Variants in NEK7 observed in about 807,000 individuals in gnomAD.
NEK7 encodes NIMA related kinase 7, also known as serine/threonine-protein kinase Nek7.
In NEK7, 18 loss-of-function variants were observed where a neutral mutation model predicts 44.6. The observed-to-expected ratio is 0.40, with a 90% confidence interval of 0.28 to 0.60. The LOEUF (loss-of-function observed/expected upper bound fraction) is 0.60. Among genes scored for constraint, NEK7 ranks in the 20% least tolerant of loss-of-function variants. NEK7 has a pLI of 0.38. For synonymous variants in NEK7, 130 were observed against 121.1 expected, an observed-to-expected ratio of 1.07 and a Z score of -0.48; for missense variants, 256 against 366.5, an observed-to-expected ratio of 0.70 and a Z score of 2.46.
intron 9 of NEK7, among the ~76,000 whole-genome samples, chr1:198,310,099 G>T (rs891333508): frequency 6.6e-6 from 1 of 152,000 alleles, no homozygotes; most frequent in South Asian, 2.1e-4. Flanking sequence ...ATCCTCTCCA[G>T]CACCTGTTGT....
At chr1:198,309,421 GC>G (rs763033628) in intron 9 of NEK7, among the ~76,000 whole-genome samples, 5 of 152,028 alleles carry the variant, frequency 3.3e-5, no homozygotes, top group Non-Finnish European at 7.4e-5. Context: ...ATTATGCCAG[GC>G]CAAGGGCCTT....
At chr1:198,200,617 C>T (rs1158472023) in intron 1 of NEK7, among the ~76,000 whole-genome samples, 1 of 149,226 alleles carries the variant, frequency 6.7e-6, no homozygotes, top group Non-Finnish European at 1.5e-5. Context: ...GTGGCATGAT[C>T]TTGGCTAACT....
intron 1 of NEK7, among the ~76,000 whole-genome samples, chr1:198,211,501 T>C (rs894711954): frequency 1.3e-5 from 2 of 152,356 alleles, no homozygotes; most frequent in African/African-American, 4.8e-5. Context: ...ACACATGTGC[T>C]TACTTTTCAT....
At position 198,195,250 on chromosome 1, in the gene NEK7, A is replaced by G. The variant is rs191408970; in HGVS notation, c.-28-37303A>G. Among the ~76,000 whole-genome samples the G allele has an allele frequency of 2.4e-4, 36 of 151,270 alleles. No individual in the cohort carries two copies. In the East Asian group the frequency reaches 5.8e-3, roughly 24 times the overall value. On this transcript the variant is annotated intron_variant, in intron 1 of 9. Transcript: ENST00000367385. ...ACATGTAAGTACCTTTCAGTAGACT[A>G]AAAAAAAACAGGGAGTTGTCACCTT...
chr1:198,204,674 C>A lies in NEK7; in HGVS notation c.-28-27879C>A, dbSNP rs1166390350. Among the ~76,000 whole-genome samples the A allele has an allele frequency of 2.8e-5, 4 of 143,786 alleles. No homozygotes were observed. The South Asian group carries it at 8.7e-4, about 31-fold the overall frequency. 94.3% of individuals were successfully genotyped at this position (143,786 alleles called of 152,430 possible). The stretch of plus-strand genomic sequence containing the variant: ...GCGGAGCCTGCAGTGAGCCAGAGAT[C>A]GCGCAACTGCACTCCAGCCTGGGCG... On this transcript the variant is annotated intron_variant, in intron 1 of 9. Coordinates refer to ENST00000367385, the MANE Select transcript of NEK7 (RefSeq NM_133494.3).
rs542219306 is a variant in NEK7 at position 198,214,010 on chromosome 1, C to T, written c.-28-18543C>T. 6.6e-5 allele frequency among the ~76,000 whole-genome samples: 10 copies of T among 152,238 alleles called. No individual in the cohort carries two copies. In the South Asian group the frequency reaches 2.1e-3, roughly 32 times the overall value. On this transcript the variant is annotated intron_variant, in intron 1 of 9. Transcript: ENST00000367385. ...GGCCCCACAGGAGTCAGTGAATCTGCTCATATACCCGGCACATTGCTACTA... is the reference window on the plus strand; with the variant it reads ...GGCCCCACAGGAGTCAGTGAATCTGTTCATATACCCGGCACATTGCTACTA...
chr1:198,174,053 T>C (rs1403767753), intron 1 of NEK7, among the ~76,000 whole-genome samples: 8 of 152,192 alleles, frequency 5.3e-5, no homozygotes, highest in Non-Finnish European at 8.8e-5. Context: ...CAGGTCAGAA[T>C]TGAAATAATT....
At chr1:198,264,268 TTTTG>T (rs776043157) in intron 5 of NEK7, 33 bp downstream of exon 5, 1 of 1,477,566 alleles carries the variant, frequency 6.8e-7, no homozygotes, top group Admixed American at 1.9e-5. Flanking sequence ...TAATGTTTTG[TTTTG>T]TTTTTTTTTC....
At position 198,244,655 on chromosome 1, in the gene NEK7, G is replaced by A. The variant is rs1338885903; in HGVS notation, c.58-8385G>A. Among the ~76,000 whole-genome samples, 3 of 152,042 alleles carry A rather than the reference G, an allele frequency of 2.0e-5. No individual in the cohort carries two copies. In the East Asian group the frequency reaches 5.8e-4, roughly 29 times the overall value. On this transcript the variant is annotated intron_variant, in intron 2 of 9. Coordinates refer to ENST00000367385, the MANE Select transcript of NEK7 (RefSeq NM_133494.3). ...AAAAATGTTTGTTAATAAGAACCCA[G>A]AACAGTATACTGATTCTCTACTAGA... is the stretch of plus-strand genomic sequence containing the variant.
chr1:198,287,086 A>T (rs1050069367), intron 7 of NEK7, among the ~76,000 whole-genome samples: 4 of 152,210 alleles, frequency 2.6e-5, no homozygotes, highest in African/African-American at 4.8e-5. Context: ...CTGTAACGCC[A>T]TTTTAATAGA....
chr1:198,272,827 A>G (rs929872876), intron 5 of NEK7, among the ~76,000 whole-genome samples: 18 of 151,772 alleles, frequency 1.2e-4, no homozygotes, highest in South Asian at 8.3e-4. Flanking sequence ...TTAATATTCT[A>G]AATAAGTTGC....
intron 1 of NEK7, among the ~76,000 whole-genome samples, chr1:198,196,898 A>G (rs1326509863): frequency 6.6e-6 from 1 of 152,208 alleles, no homozygotes; most frequent in African/African-American, 2.4e-5. Flanking sequence ...AGTCTGCCAC[A>G]GTGACCATGA....
chr1:198,215,796 A>T (rs560201717), intron 1 of NEK7, among the ~76,000 whole-genome samples: 1 of 129,910 alleles, frequency 7.7e-6, no homozygotes, highest in Admixed American at 7.6e-5. Context: ...AAGCAGTAAC[A>T]GTAAAAAAAT....
intron 1 of NEK7, among the ~76,000 whole-genome samples, chr1:198,226,830 A>G (rs569070244): frequency 4.0e-5 from 6 of 151,296 alleles, no homozygotes; most frequent in South Asian, 2.1e-4. Flanking sequence ...GGAGATGGCC[A>G]TAAAGAAATT....
In NEK7 at chr1:198,282,838, G is replaced by A. The variant is rs574140813; in HGVS notation, c.589+3777G>A. Among the ~76,000 whole-genome samples, 188 of 152,198 alleles carry A rather than the reference G, an allele frequency of 1.2e-3. 1 individual carries two copies. The highest frequency in any genetic ancestry group is 3.7e-3 in the African/African-American group (155 of 41,526). On this transcript the variant is annotated intron_variant, in intron 7 of 9. Coordinates refer to ENST00000367385, the MANE Select transcript of NEK7 (RefSeq NM_133494.3). ...ATGCAGGTGCTATTCTAGAGACAAG[G>A]AATGTAGCCTGAGCAAGACAAGTCC...
chr1:198,245,419 G>A (rs1422044347), intron 2 of NEK7: 3 of 168,590 alleles, frequency 1.8e-5, no homozygotes, highest in African/African-American at 2.4e-5. Context: ...AGAAATAGAG[G>A]TAGAAGCCAG....
chr1:198,251,976 G>A (rs200321831), intron 2 of NEK7, among the ~76,000 whole-genome samples: 1 of 151,988 alleles, frequency 6.6e-6, no homozygotes, highest in East Asian at 1.9e-4. Flanking sequence ...TAAGGTGTCA[G>A]TTTTGGATCT....
chr1:198,186,307 A>G (rs1239440408), intron 1 of NEK7, among the ~76,000 whole-genome samples: 2 of 152,220 alleles, frequency 1.3e-5, no homozygotes, highest in African/African-American at 2.4e-5. Flanking sequence ...ACCATTAAAT[A>G]TTTAGATTTA....
intron 1 of NEK7, among the ~76,000 whole-genome samples, chr1:198,188,087 T>C (rs953671041): frequency 2.0e-5 from 3 of 152,224 alleles, no homozygotes; most frequent in Non-Finnish European, 4.4e-5. Context: ...CTGTGTTTGC[T>C]TAGGGAATCC....
Sources: gnomAD v4.1 joint callset for allele counts (sites outside exome capture counted in the v4.1 genomes callset) on GRCh38, gnomAD v4.1.1 for gene constraint, MANE v1.5 for transcripts, NCBI Gene and HGNC (gene_info 2026-07-23, HGNC 2026-07-21) for gene names.